MTG1: variants seen among roughly 807,000 people sequenced by gnomAD.
The protein encoded by MTG1 is mitochondrial ribosome-associated GTPase 1.
In MTG1, 30 loss-of-function variants were observed where a neutral mutation model predicts 39.5. The observed-to-expected ratio is 0.76, with a 90% CI of 0.57 to 1.03. The LOEUF (loss-of-function observed/expected upper bound fraction) is 1.03. Among genes scored for constraint, MTG1 ranks in the 50% least tolerant of loss-of-function variants. The probability of loss-of-function intolerance (pLI) is 0.00; values close to 1 mark genes in which losing one functional copy is unlikely to be tolerated. For synonymous variants in MTG1, 217 were observed against 179.0 expected, an observed-to-expected ratio of 1.21 and a Z score of -1.69; for missense variants, 513 against 447.4, an observed-to-expected ratio of 1.15 and a Z score of -1.32.
At chr10:133,406,828 C>G (rs1479725811) in intron 9 of MTG1, among the ~76,000 whole-genome samples, 2 of 152,054 alleles carry the variant, frequency 1.3e-5, no homozygotes, top group Non-Finnish European at 2.9e-5. Flanking sequence ...CCATACCTGG[C>G]TAAGTTTTGT....
At chr10:133,394,771 G>T (rs984816132) in intron 1 of MTG1, 1 of 980,682 alleles carries the variant, frequency 1.0e-6, no homozygotes, top group African/African-American at 1.7e-5. Context: ...ATCTTGAGTC[G>T]TTCTCCTGCT....
chr10:133,399,529 A>T lies in MTG1; in HGVS notation c.421A>T (p.Asn141Tyr). Residue 141 changes from asparagine (N) to tyrosine (Y), a missense_variant and splice_region_variant, in exon 6 of 11, where the codon AAC (asparagine) becomes TAC (tyrosine). Physicochemically the swap from Asn to Tyr is moderately radical, Grantham distance 143. Coordinates refer to ENST00000317502, the MANE Select transcript of MTG1 (RefSeq NM_138384.4). ...GRSHRYHRKE[N>Y]LEYCIMVIGV... ...GTGACCCCTCTCTCTGCCTGCGCAGAACCTGGAGTACTGTATCATGGTCAT... is the reference window on the plus strand; with the variant it reads ...GTGACCCCTCTCTCTGCCTGCGCAGTACCTGGAGTACTGTATCATGGTCAT... 1 of 1,614,094 alleles carries T rather than the reference A, an allele frequency of 6.2e-7. No individual in the cohort carries two copies. Among genetic ancestry groups the T allele is most frequent in the Non-Finnish European group, 8.5e-7 (1 of 1,179,978 alleles).
rs117675699 is a variant in MTG1 at position 133,420,210 on chromosome 10, C to G, written c.*45C>G. 1 of 1,561,010 alleles carries G rather than the reference C, an allele frequency of 6.4e-7. No individual in the cohort carries two copies. The highest frequency in any genetic ancestry group is 8.7e-7 in the Non-Finnish European group (1 of 1,154,264). ...GCCGGAGGCATGTGGCCTCCCAGACCTCCTGACCTGGGTGGTTGAGGCTCA... is the reference window on the plus strand; with the variant it reads ...GCCGGAGGCATGTGGCCTCCCAGACGTCCTGACCTGGGTGGTTGAGGCTCA... On this transcript the variant is annotated 3_prime_UTR_variant, in exon 11 of 11. Coordinates refer to ENST00000317502, the MANE Select transcript of MTG1 (RefSeq NM_138384.4).
chr10:133,411,875 T>A (rs1850052105), intron 9 of MTG1, among the ~76,000 whole-genome samples: 1 of 151,336 alleles, frequency 6.6e-6, no homozygotes, highest in South Asian at 2.1e-4. Context: ...GTTTGCTGAG[T>A]TTTTTTTTAA....
chr10:133,394,627 A>G, intron 1 of MTG1: 2 of 1,254,804 alleles, frequency 1.6e-6, no homozygotes, highest in Non-Finnish European at 2.0e-6. Flanking sequence ...CTCTGTTCCC[A>G]GCAAGTTCCT....
Position 133,420,530 on chromosome 10 carries a change from C to G in MTG1, c.*365C>G, listed in dbSNP as rs779905360. 67 of 211,714 alleles carry G rather than the reference C, an allele frequency of 3.2e-4. No individual in the cohort carries two copies. Among genetic ancestry groups the G allele is most frequent in the Non-Finnish European group, 4.2e-4 (45 of 107,724 alleles). 13.1% of individuals were successfully genotyped at this position (211,714 alleles called of 1,614,324 possible). ...GTTTCTTACTGGCCTGTGAGGTGCA[C>G]CGTAGTGCCTTGGGCCTGTGTGTTA... is the stretch of plus-strand genomic sequence containing the variant. On this transcript the variant is annotated 3_prime_UTR_variant, in exon 11 of 11. Coordinates refer to ENST00000317502, the MANE Select transcript of MTG1 (RefSeq NM_138384.4).
intron 9 of MTG1, among the ~76,000 whole-genome samples, chr10:133,412,465 A>G (rs748589568): frequency 6.6e-6 from 1 of 152,186 alleles, no homozygotes; most frequent in Non-Finnish European, 1.5e-5. Context: ...TTACCTAGAC[A>G]ATTATGTCAT....
In MTG1 at chr10:133,395,975, C is replaced by T. The variant is rs185377660; in HGVS notation, c.178-188C>T. Among the ~76,000 whole-genome samples the T allele has an allele frequency of 5.1e-4, 78 of 152,290 alleles. 1 individual carries two copies. The highest frequency in any genetic ancestry group is 1.3e-3 in the African/African-American group (54 of 41,540). On this transcript the variant is annotated intron_variant, in intron 2 of 10. Transcript: ENST00000317502. ...ATATATCTGCGTCACTCAAGCCTGA[C>T]GGTACGGTGCAGCAGTGGAATCCTC...
intron 9 of MTG1, among the ~76,000 whole-genome samples, chr10:133,416,371 GAT>G (rs147744350): frequency 1.7e-4 from 23 of 136,528 alleles, no homozygotes; most frequent in South Asian, 2.4e-4. Context: ...ATTTTTGGAT[GAT>G]ATATATATAT....
chr10:133,417,654 T>C (rs543671891), intron 9 of MTG1, among the ~76,000 whole-genome samples: 4,942 of 152,080 alleles, frequency 0.032, 102 homozygotes, highest in Non-Finnish European at 0.044. Context: ...AAAATCTCCT[T>C]AAGCTGATAA....
Position 133,419,416 on chromosome 10 carries a change from G to A in MTG1, c.753-64G>A, listed in dbSNP as rs763561381. ...TTGTGGCATTCAGGAGGAAGGGCCC[G>A]GCCTGGCTGGCCGCGCGGTGTCAGT... On this transcript the variant is annotated intron_variant, in intron 9 of 10. Transcript: ENST00000317502. The A allele has an allele frequency of 1.3e-3, 1,858 of 1,421,800 alleles. 35 individuals carry two copies. Among genetic ancestry groups the A allele is most frequent in the Non-Finnish European group, 2.7e-4 (284 of 1,040,634 alleles). The allele number at this position is 1,421,800 out of a possible 1,614,324, so 88.1% of individuals were successfully genotyped here. A position where few individuals can be genotyped will look rare whatever the true frequency, so the allele number is the denominator to read the frequency against.
chr10:133,416,042 C>T (rs1472375852), intron 9 of MTG1, among the ~76,000 whole-genome samples: 5 of 148,116 alleles, frequency 3.4e-5, no homozygotes, highest in East Asian at 3.9e-4. Flanking sequence ...AGGCGGGCGT[C>T]GGGCAGGCGG....
intron 9 of MTG1, among the ~76,000 whole-genome samples, chr10:133,403,351 C>T (rs1237143763): frequency 3.0e-5 from 4 of 133,492 alleles, no homozygotes; most frequent in African/African-American, 1.1e-4. Flanking sequence ...TGAGCGTTCC[C>T]GTCACCCCCA....
intron 9 of MTG1, among the ~76,000 whole-genome samples, chr10:133,407,951 G>A (rs1158437745): frequency 6.6e-6 from 1 of 152,136 alleles, no homozygotes; most frequent in Non-Finnish European, 1.5e-5. Flanking sequence ...CTTTTTATCA[G>A]TTCTAATAGT....
At chr10:133,399,746 GCC>G in intron 6 of MTG1, 127 bp downstream of exon 6, 1 of 905,834 alleles carries the variant, frequency 1.1e-6, no homozygotes, top group Admixed American at 2.1e-5. Context: ...TGACCCCGCA[GCC>G]CCAGAGCACA....
intron 9 of MTG1, among the ~76,000 whole-genome samples, chr10:133,404,854 C>T (rs189299802): frequency 3.3e-5 from 5 of 152,152 alleles, no homozygotes; most frequent in African/African-American, 1.2e-4. Context: ...TGTCCATATA[C>T]GTGGGTCTGT....
In MTG1 at chr10:133,420,249, G is replaced by A. The variant is rs1054308460; in HGVS notation, c.*84G>A. The A allele has an allele frequency of 1.2e-5, 17 of 1,466,126 alleles. No homozygotes were observed. Among genetic ancestry groups the A allele is most frequent in the Admixed American group, 4.3e-5 (2 of 46,260 alleles). The allele number at this position is 1,466,126 out of a possible 1,614,324, so 90.8% of individuals were successfully genotyped here. On this transcript the variant is annotated 3_prime_UTR_variant, in exon 11 of 11. Transcript: ENST00000317502. Reference sequence around the variant, plus strand: ...GGTTGAGGCTCAAGACAGCTCACCCGGTCCAGAAGCTCCATGCTGGTCACT... The same window carrying A: ...GGTTGAGGCTCAAGACAGCTCACCCAGTCCAGAAGCTCCATGCTGGTCACT...
chr10:133,419,508 G>T lies in MTG1; in HGVS notation c.781G>T (p.Ala261Ser). ...GYVQHYGLGS[A>S]CDNVERVLKS... Reference sequence around the variant, plus strand: ...CGTGCAGCACTACGGCCTGGGCAGTGCCTGTGACAACGTAGAGCGCGTGCT... The same window carrying T: ...CGTGCAGCACTACGGCCTGGGCAGTTCCTGTGACAACGTAGAGCGCGTGCT... The change falls in exon 10 of 11, where the codon GCC becomes TCC. Residue 261 changes from alanine to serine, a missense_variant. By Grantham distance (99) the Ala-to-Ser change is moderately conservative (BLOSUM62 1). Transcript: ENST00000317502. 6.2e-7 allele frequency: 1 copy of T among 1,606,848 alleles called. No individual in the cohort carries two copies. Among genetic ancestry groups the T allele is most frequent in the African/African-American group, 1.3e-5 (1 of 74,954 alleles).
At chr10:133,394,596 C>T (rs1021064494) in intron 1 of MTG1, 3 of 1,306,074 alleles carry the variant, frequency 2.3e-6, no homozygotes, top group Non-Finnish European at 2.9e-6. Flanking sequence ...GACCTCCTAC[C>T]TCTGGCCCGC....
Sources: allele counts gnomAD v4.1 joint callset (sites outside exome capture counted in the v4.1 genomes callset), GRCh38; gene constraint gnomAD v4.1.1; transcripts MANE v1.5; gene names NCBI Gene and HGNC (gene_info 2026-07-23, HGNC 2026-07-21).